MAPK10: variants seen among roughly 807,000 people sequenced by gnomAD.
The protein encoded by MAPK10 is JNK3 alpha protein kinase.
MAPK10 carries 25 observed loss-of-function variants against 59.3 expected under a neutral mutation model. The ratio of observed to expected loss-of-function variants is 0.42; its 90% CI spans 0.31 to 0.59. The LOEUF is 0.59. Ranked by LOEUF, MAPK10 falls within the 20% of genes least tolerant of loss-of-function variation. The pLI is 0.15. For missense variants in MAPK10, 351 were observed against 568.9 expected, an observed-to-expected ratio of 0.62 and a Z score of 3.90; for synonymous variants, 190 against 200.5, an observed-to-expected ratio of 0.95 and a Z score of 0.44.
At chr4:86,054,053 C>T (rs1040708342) in intron 11 of MAPK10, among the ~76,000 whole-genome samples, 4 of 152,012 alleles carry the variant, frequency 2.6e-5, no homozygotes, top group South Asian at 4.1e-4. Context: ...AACATGAAAA[C>T]AAAAACCAAA....
intron 4 of MAPK10, chr4:86,125,364 T>C (rs2059910882): frequency 6.6e-6 from 1 of 152,164 alleles, no homozygotes; most frequent in African/African-American, 2.4e-5. Flanking sequence ...GCAATTCATA[T>C]AAGTTATAAA....
At chr4:86,576,732 G>C (rs965045626) in intron 1 of MAPK10, among the ~76,000 whole-genome samples, 1 of 151,244 alleles carries the variant, frequency 6.6e-6, no homozygotes, top group Non-Finnish European at 1.5e-5. Flanking sequence ...CCGAGATCGC[G>C]CCACTGTAGT....
chr4:86,559,951 A>AG (rs1760551308), intron 1 of MAPK10, among the ~76,000 whole-genome samples: 1 of 150,354 alleles, frequency 6.7e-6, no homozygotes, highest in African/African-American at 2.4e-5. Flanking sequence ...AAAAAAAAAA[A>AG]GAAAAGAAAA....
intron 1 of MAPK10, among the ~76,000 whole-genome samples, chr4:86,514,892 G>T (rs1316292399): frequency 6.6e-6 from 1 of 152,148 alleles, no homozygotes. Context: ...GGTAGTGCTT[G>T]GTTACTTGGA....
chr4:86,329,327 C>G (rs1024758547), intron 2 of MAPK10, among the ~76,000 whole-genome samples: 1 of 152,162 alleles, frequency 6.6e-6, no homozygotes, highest in Non-Finnish European at 1.5e-5. Context: ...TATATTTAAG[C>G]ACATCTCAGT....
At chr4:86,592,569 GA>G (rs1427333060) in intron 1 of MAPK10, among the ~76,000 whole-genome samples, 4 of 152,286 alleles carry the variant, frequency 2.6e-5, no homozygotes, top group Non-Finnish European at 5.9e-5. Context: ...GATGTTTCAT[GA>G]AAGTTTCTGT....
chr4:86,206,850 A>C (rs906569432), intron 2 of MAPK10, among the ~76,000 whole-genome samples: 6 of 152,154 alleles, frequency 3.9e-5, no homozygotes, highest in African/African-American at 1.4e-4. Context: ...TCTTCTTTTG[A>C]GAAGTGTCTG....
intron 2 of MAPK10, among the ~76,000 whole-genome samples, chr4:86,250,340 G>C (rs1360818416): frequency 6.6e-6 from 1 of 152,104 alleles, no homozygotes; most frequent in South Asian, 2.1e-4. Flanking sequence ...GTCATCTTAA[G>C]TACTCATTCA....
At chr4:86,226,061 T>C (rs6822338) in intron 2 of MAPK10, among the ~76,000 whole-genome samples, 2,434 of 152,336 alleles carry the variant, frequency 0.016, 79 homozygotes, top group African/African-American at 0.055. Flanking sequence ...ATAATACAAA[T>C]GGTCTTCATA....
rs564518096 is a variant in MAPK10, at chr4:86,349,798, T to A, written c.-7+4732A>T. The stretch of plus-strand genomic sequence containing the variant: ...GTAGTAGGACCTCAGATGCTGCATT[T>A]CTATCAGGCTCCAGGAGATGTCCAT... On this transcript the variant is annotated intron_variant, in intron 2 of 13. Transcript: ENST00000641462. 1.5e-3 allele frequency among the ~76,000 whole-genome samples: 232 copies of A among 152,332 alleles called. 6 individuals carry two copies. The highest frequency in any genetic ancestry group is 1.7e-3 in the Non-Finnish European group (113 of 68,034).
At chr4:86,416,077 T>C (rs1745829218) in intron 1 of MAPK10, among the ~76,000 whole-genome samples, 1 of 152,224 alleles carries the variant, frequency 6.6e-6, no homozygotes. Context: ...AGTCCCAGTA[T>C]GACTGCTTTA....
At chr4:86,499,962 GA>G (rs1255410009) in intron 1 of MAPK10, among the ~76,000 whole-genome samples, 3 of 152,186 alleles carry the variant, frequency 2.0e-5, no homozygotes, top group African/African-American at 4.8e-5. Flanking sequence ...GGATGGCGAA[GA>G]AAACTAAAAG....
intron 11 of MAPK10, among the ~76,000 whole-genome samples, chr4:86,035,445 G>A (rs1471306045): frequency 6.6e-6 from 1 of 150,748 alleles, no homozygotes; most frequent in Non-Finnish European, 1.5e-5. Flanking sequence ...AACCACTGAG[G>A]AATGTAAGAG....
rs937034236 is a variant in MAPK10 at position 86,310,813 on chromosome 4, G to T, written c.-7+43717C>A. On this transcript the variant is annotated intron_variant, in intron 2 of 13. Transcript: ENST00000641462. ...AGTGGTTTTTTTCTTCTCAAGGAAG[G>T]TTCTTTATTCCTTTCCTGCTGTGGA... Among the ~76,000 whole-genome samples the T allele has an allele frequency of 7.2e-5, 11 of 151,902 alleles. 1 individual carries two copies. In the Middle Eastern group the frequency reaches 0.01, roughly 142 times the overall value.
intron 9 of MAPK10, among the ~76,000 whole-genome samples, chr4:86,070,361 T>C (rs1044517589): frequency 4.6e-5 from 7 of 151,926 alleles, no homozygotes; most frequent in Non-Finnish European, 7.4e-5. Flanking sequence ...TTTTTTTTTG[T>C]AGCACTTGAA....
In MAPK10 at chr4:86,075,478, TAG is replaced by T. The variant is rs373575078; in HGVS notation, c.803-7525_803-7524del. Among the ~76,000 whole-genome samples the T allele has an allele frequency of 3.9e-4, 59 of 152,330 alleles. 2 individuals carry two copies. The South Asian group carries it at 0.012, about 31-fold the overall frequency. ...GGAGGAGGAGAGATGCTCTGCGTTTTAGAGTTTCCAGTTTTTCTGTTCTGTTT... is the reference window on the plus strand; with the variant it reads ...GGAGGAGGAGAGATGCTCTGCGTTTTAGTTTCCAGTTTTTCTGTTCTGTTT... On this transcript the variant is annotated intron_variant, in intron 9 of 13. Transcript: ENST00000641462.
intron 1 of MAPK10, among the ~76,000 whole-genome samples, chr4:86,428,689 A>G (rs897434213): frequency 5.3e-5 from 8 of 152,170 alleles, no homozygotes; most frequent in Non-Finnish European, 1.0e-4. Context: ...GAAATGGTAT[A>G]TTTATCAGAG....
At chr4:86,553,039 C>CATA (rs1414283105) in intron 1 of MAPK10, among the ~76,000 whole-genome samples, 4 of 152,120 alleles carry the variant, frequency 2.6e-5, no homozygotes, top group Non-Finnish European at 5.9e-5. Context: ...TGCCGGCATC[C>CATA]ATAAAACCGT....
chr4:86,093,321 G>A (rs1316174820), intron 9 of MAPK10, among the ~76,000 whole-genome samples: 1 of 151,838 alleles, frequency 6.6e-6, no homozygotes, highest in East Asian at 1.9e-4. Flanking sequence ...TTCATTTAGT[G>A]TAGAATTTAG....
Sources: allele counts gnomAD v4.1 joint callset (sites outside exome capture counted in the v4.1 genomes callset), GRCh38; gene constraint gnomAD v4.1.1; transcripts MANE v1.5; gene names NCBI Gene and HGNC (gene_info 2026-07-23, HGNC 2026-07-21).